ATP6V1B1: variants seen among roughly 807,000 people sequenced by gnomAD.
ATP6V1B1 encodes ATPase H+ transporting V1 subunit B1.
A neutral mutation model predicts 62.1 loss-of-function variants in ATP6V1B1; 41 were observed. The ratio of observed to expected loss-of-function variants is 0.66; its 90% CI spans 0.51 to 0.86. The LOEUF is 0.86. ATP6V1B1 is among the 40% of genes least tolerant of loss of function. ATP6V1B1 has a pLI of 0.00. For synonymous variants in ATP6V1B1, 253 were observed against 273.4 expected (o/e 0.93, Z 0.74); for missense variants, 651 against 697.5 (o/e 0.93, Z 0.75).
intron 7 of ATP6V1B1, 86 bp downstream of exon 7, chr2:70,961,108 T>C (rs1553420027): frequency 1.4e-6 from 2 of 1,389,354 alleles, no homozygotes; most frequent in African/African-American, 2.9e-5. Context: ...CCTGATCTGA[T>C]GGGGAAGCCA....
At chr2:70,957,250 A>AATGT (rs1338125853) in intron 2 of ATP6V1B1, among the ~76,000 whole-genome samples, 19 of 144,906 alleles carry the variant, frequency 1.3e-4, no homozygotes, top group African/African-American at 4.6e-4. Context: ...CACACCTGGC[A>AATGT]ATATATATAT....
chr2:70,958,883 TG>T, intron 4 of ATP6V1B1, 134 bp from the exon 5 acceptor site: 2 of 825,992 alleles, frequency 2.4e-6, no homozygotes, highest in Non-Finnish European at 4.1e-6. Flanking sequence ...GGGTTACCTG[TG>T]GGCTGCCGGG....
At chr2:70,964,333 T>C (rs1680662588) in intron 11 of ATP6V1B1, 105 bp from the exon 12 acceptor site, 2 of 1,229,008 alleles carry the variant, frequency 1.6e-6, no homozygotes, top group Non-Finnish European at 2.4e-6. Flanking sequence ...TGTTGACCCC[T>C]CGGAATGTAG....
At chr2:70,939,066 G>C (rs1368432435) in intron 1 of ATP6V1B1, among the ~76,000 whole-genome samples, 1 of 152,268 alleles carries the variant, frequency 6.6e-6, no homozygotes, top group Non-Finnish European at 1.5e-5. Context: ...AGGAGGTGCG[G>C]GACCTGCTGC....
At chr2:70,960,214 C>A in intron 6 of ATP6V1B1, 136 bp downstream of exon 6, 1 of 1,342,030 alleles carries the variant, frequency 7.5e-7, no homozygotes, top group Non-Finnish European at 1.0e-6. Flanking sequence ...TCGAGACTGG[C>A]AGCTGTCCCT....
At chr2:70,944,919 G>A (rs1351612288) in intron 2 of ATP6V1B1, among the ~76,000 whole-genome samples, 7 of 152,016 alleles carry the variant, frequency 4.6e-5, no homozygotes, top group African/African-American at 1.2e-4. Context: ...CGCCCGCCTC[G>A]GCCTCCCAAA....
chr2:70,964,114 A>AT (rs66905923), intron 11 of ATP6V1B1: 24,030 of 125,928 alleles, frequency 0.19, 3,422 homozygotes, highest in Admixed American at 0.25. Context: ...CTTGGCAGGT[A>AT]TTTTTTTTTT....
rs1680690342 is a variant in ATP6V1B1 at position 70,965,029 on chromosome 2, G to T, written c.1450G>T (p.Glu484Ter). 1 of 1,613,730 alleles carries T rather than the reference G, an allele frequency of 6.2e-7. No homozygotes were observed. Among genetic ancestry groups the T allele is most frequent in the Admixed American group, 1.7e-5 (1 of 60,032 alleles). Residue 484 changes from glutamate to a stop codon, truncating the protein, a stop_gained, in exon 14 of 14, where the codon GAG becomes TAG. Coordinates refer to ENST00000234396, the MANE Select transcript of ATP6V1B1 (RefSeq NM_001692.4). LOFTEE classifies it high-confidence loss of function. ...GWKLLRIFPK[E>*]MLKRIPQAVI... ...GAAGCTGCTGCGCATCTTCCCCAAG[G>T]AGATGCTGAAGCGCATTCCGCAGGC...
At chr2:70,954,248 C>T (rs1680384723) in intron 2 of ATP6V1B1, among the ~76,000 whole-genome samples, 1 of 152,182 alleles carries the variant, frequency 6.6e-6, no homozygotes, top group African/African-American at 2.4e-5. Flanking sequence ...TCATTTAAAG[C>T]TTTGAATGCA....
Position 70,965,194 on chromosome 2 carries a change from C to A in ATP6V1B1, c.*73C>A. On this transcript the variant is annotated 3_prime_UTR_variant, in exon 14 of 14. Coordinates refer to ENST00000234396, the MANE Select transcript of ATP6V1B1 (RefSeq NM_001692.4). Reference sequence around the variant, plus strand: ...CTCCCGGGTCTCCCCTCCCTCGCCACCCCAACCAGCGGCTTCTGCGCCGCC... The same window carrying A: ...CTCCCGGGTCTCCCCTCCCTCGCCAACCCAACCAGCGGCTTCTGCGCCGCC... 6.3e-7 allele frequency: 1 copy of A among 1,583,572 alleles called. No individual in the cohort carries two copies. The highest frequency in any genetic ancestry group is 8.5e-7 in the Non-Finnish European group (1 of 1,170,564).
At chr2:70,954,662 T>C (rs573738421) in intron 2 of ATP6V1B1, among the ~76,000 whole-genome samples, 11 of 152,216 alleles carry the variant, frequency 7.2e-5, no homozygotes, top group Non-Finnish European at 1.6e-4. Flanking sequence ...GGTTTTGTTT[T>C]TCATAGAGAT....
chr2:70,961,906 G>A, intron 8 of ATP6V1B1: 2 of 608,972 alleles, frequency 3.3e-6, no homozygotes, highest in South Asian at 3.7e-5. Context: ...TCTGTCTGCT[G>A]CCTGTGCCCT....
At chr2:70,947,289 G>C (rs1553417549) in intron 2 of ATP6V1B1, among the ~76,000 whole-genome samples, 1 of 152,130 alleles carries the variant, frequency 6.6e-6, no homozygotes, top group African/African-American at 2.4e-5. Flanking sequence ...TGTATAAGTT[G>C]AACAAGCATC....
intron 1 of ATP6V1B1, among the ~76,000 whole-genome samples, chr2:70,937,639 C>T (rs541886495): frequency 3.3e-5 from 5 of 152,096 alleles, no homozygotes; most frequent in African/African-American, 4.8e-5. Context: ...TGATGAGCCC[C>T]ACTCCCTGCA....
chr2:70,953,115 C>T (rs1553418535), intron 2 of ATP6V1B1, among the ~76,000 whole-genome samples: 1 of 152,086 alleles, frequency 6.6e-6, no homozygotes, highest in Non-Finnish European at 1.5e-5. Flanking sequence ...TACAGGCACC[C>T]ACTACCACAC....
rs34965400 is a variant in ATP6V1B1 at position 70,936,147 on chromosome 2, G to A, written c.118+75G>A. The A allele has an allele frequency of 0.031, 44,881 of 1,465,364 alleles. 796 individuals carry two copies. Among genetic ancestry groups the A allele is most frequent in the Admixed American group, 0.035 (1,993 of 57,370 alleles). The allele number at this position is 1,465,364 out of a possible 1,614,324, so 90.8% of individuals were successfully genotyped here. A position where few individuals can be genotyped will look rare whatever the true frequency, so the allele number is the denominator to read the frequency against. ...GTGGGCTGCCAGGTTCCCGGGCCCCGCTTCTTGCCTCAGAAAAGGAGGAGG... is the reference window on the plus strand; with the variant it reads ...GTGGGCTGCCAGGTTCCCGGGCCCCACTTCTTGCCTCAGAAAAGGAGGAGG... On this transcript the variant is annotated intron_variant, in intron 1 of 13. Coordinates refer to ENST00000234396, the MANE Select transcript of ATP6V1B1 (RefSeq NM_001692.4).
chr2:70,961,815 C>A (rs1192956735), intron 8 of ATP6V1B1, 122 bp downstream of exon 8: 2 of 969,860 alleles, frequency 2.1e-6, no homozygotes, highest in Non-Finnish European at 1.6e-6. Flanking sequence ...GCTGGGAGAA[C>A]AACCCTCATT....
At chr2:70,961,415 G>T (rs1007574348) in intron 7 of ATP6V1B1, among the ~76,000 whole-genome samples, 181 bp from the exon 8 acceptor site, 1 of 152,234 alleles carries the variant, frequency 6.6e-6, no homozygotes, top group African/African-American at 2.4e-5. Flanking sequence ...ATGAGGACTG[G>T]GGCAGCAAAC....
intron 2 of ATP6V1B1, chr2:70,944,094 C>A: frequency 7.8e-7 from 1 of 1,285,774 alleles, no homozygotes; most frequent in Non-Finnish European, 1.0e-6. Flanking sequence ...CTAGACTCTC[C>A]CCACCCTCGA....
Sources: gnomAD v4.1 joint callset for allele counts (sites outside exome capture counted in the v4.1 genomes callset) on GRCh38, gnomAD v4.1.1 for gene constraint, MANE v1.5 for transcripts, NCBI Gene and HGNC (gene_info 2026-07-23, HGNC 2026-07-21) for gene names.